Variants in NRG2 observed in about 807,000 individuals in gnomAD.
NRG2 encodes neuregulin 2, also known as pro-neuregulin-2, membrane-bound isoform.
In NRG2, 27 loss-of-function variants were observed where a neutral mutation model predicts 73.9. The ratio of observed to expected loss-of-function variants is 0.37; its 90% CI spans 0.27 to 0.50. NRG2 has a LOEUF of 0.50. NRG2 is among the 20% of genes least tolerant of loss of function. NRG2 has a pLI of 0.96. For missense variants in NRG2, 1,126 were observed against 1,210.1 expected (o/e 0.93, Z 1.03); for synonymous variants, 532 against 541.0 (o/e 0.98, Z 0.23).
At chr5:139,901,872 C>T (rs2127170351) in intron 1 of NRG2, among the ~76,000 whole-genome samples, 1 of 152,342 alleles carries the variant, frequency 6.6e-6, no homozygotes, top group South Asian at 2.1e-4. Flanking sequence ...AACAACACAG[C>T]AACTACAGGG....
chr5:139,888,809 A>G (rs1764034194), intron 1 of NRG2, among the ~76,000 whole-genome samples: 1 of 151,404 alleles, frequency 6.6e-6, no homozygotes, highest in Non-Finnish European at 1.5e-5. Flanking sequence ...ATGAAAAAAT[A>G]CAGAGGAGTG....
intron 1 of NRG2, among the ~76,000 whole-genome samples, chr5:139,923,833 C>A (rs1419806441): frequency 6.6e-6 from 1 of 152,178 alleles, no homozygotes; most frequent in Non-Finnish European, 1.5e-5. Context: ...GACCTCTAGG[C>A]CTCCTGAAGG....
intron 1 of NRG2, among the ~76,000 whole-genome samples, chr5:140,007,743 T>A (rs970780565): frequency 6.6e-6 from 1 of 152,240 alleles, no homozygotes; most frequent in African/African-American, 2.4e-5. Flanking sequence ...GTCACTTGCT[T>A]GGACTTATCC....
intron 1 of NRG2, among the ~76,000 whole-genome samples, chr5:139,899,610 T>C (rs540596564): frequency 6.6e-6 from 1 of 152,246 alleles, no homozygotes; most frequent in Non-Finnish European, 1.5e-5. Context: ...TCAGTGTTCA[T>C]GGCTCCTGTT....
At chr5:140,000,977 T>G (rs1758424406) in intron 1 of NRG2, among the ~76,000 whole-genome samples, 1 of 152,208 alleles carries the variant, frequency 6.6e-6, no homozygotes, top group African/African-American at 2.4e-5. Flanking sequence ...TGACCTACTT[T>G]GATAGCCTCG....
rs1764289010 is a variant in NRG2, at chr5:139,892,706, C to A, written c.701-5195G>T. Among the ~76,000 whole-genome samples the A allele has an allele frequency of 2.0e-5, 3 of 152,244 alleles. No homozygotes were observed. In the South Asian group the frequency reaches 6.2e-4, roughly 32 times the overall value. Reference sequence around the variant, plus strand: ...GCCAGAGCTGAACCAAGCAGAGGAACAGGCTTCCTGGGATGCATGGGATCT... The same window carrying A: ...GCCAGAGCTGAACCAAGCAGAGGAAAAGGCTTCCTGGGATGCATGGGATCT... On this transcript the variant is annotated intron_variant, in intron 1 of 9. Transcript: ENST00000361474.
rs2127000620 is a variant in NRG2 at position 139,851,920 on chromosome 5, T to C, written c.1545-89A>G. The C allele has an allele frequency of 8.9e-7, 1 of 1,126,948 alleles. No individual in the cohort carries two copies. The highest frequency in any genetic ancestry group is 1.3e-6 in the Non-Finnish European group (1 of 771,512). The allele number at this position is 1,126,948 out of a possible 1,614,324, so 69.8% of individuals were successfully genotyped here. A position where few individuals can be genotyped will look rare whatever the true frequency, so the allele number is the denominator to read the frequency against. ...GTCCCATGGACCTCCCTGGCTCTTC[T>C]TCCACCTCGAGCTCCCTTAGCTCAA... On this transcript the variant is annotated intron_variant, in intron 8 of 9. Transcript: ENST00000361474. The surrounding 1 kb of genome is among the most constrained non-coding windows in gnomAD (Gnocchi z 4.2).
At chr5:139,878,653 G>A (rs1763335432) in intron 3 of NRG2, among the ~76,000 whole-genome samples, 1 of 152,164 alleles carries the variant, frequency 6.6e-6, no homozygotes, top group Non-Finnish European at 1.5e-5. Flanking sequence ...AATCCCTTAA[G>A]ATAGGCTTAA....
chr5:140,036,435 G>T (rs1299544434), intron 1 of NRG2, among the ~76,000 whole-genome samples: 2 of 152,098 alleles, frequency 1.3e-5, no homozygotes, highest in Non-Finnish European at 2.9e-5. Context: ...CTTACAACCT[G>T]ACATGGAGCT....
At chr5:140,022,448 T>A (rs962963505) in intron 1 of NRG2, among the ~76,000 whole-genome samples, 3 of 152,252 alleles carry the variant, frequency 2.0e-5, no homozygotes, top group African/African-American at 7.2e-5. Flanking sequence ...ACAAGCTTTT[T>A]AATGCTATGT....
rs752116367 is a variant in NRG2, at chr5:139,880,909, G to A, written c.938C>T (p.Ala313Val). 1 of 1,614,180 alleles carries A rather than the reference G, an allele frequency of 6.2e-7. No homozygotes were observed. The change falls in exon 3 of 10, where the codon GCC (alanine) becomes GTC (valine). Residue 313 changes from alanine to valine, a missense_variant. This residue lies in a region of NRG2 where 539 missense variants were observed against 703.2 expected (regional missense o/e 0.77). Coordinates refer to ENST00000361474, the MANE Select transcript of NRG2 (RefSeq NM_004883.3). ...VEDAGEYVCE[A>V]ENILGKDTVR... ...GGTGTCCTTCCCCAGGATGTTCTCG[G>A]CCTCGCAGACATACTCCCCAGCGTC...
In NRG2 at chr5:139,904,465, G is replaced by T; in HGVS notation, c.701-16954C>A. ...CTGCCGCGCTGCGCCCCCGCCGCCT[G>T]CAGCCTCAGTGCCCGAGCGCGGCGC... On this transcript the variant is annotated intron_variant, in intron 1 of 9. Coordinates refer to ENST00000361474, the MANE Select transcript of NRG2 (RefSeq NM_004883.3). This position sits in a 1 kb window ranked among gnomAD's most constrained non-coding sequence, Gnocchi z 6.0. 1.0e-6 allele frequency: 1 copy of T among 955,134 alleles called. No homozygotes were observed. The highest frequency in any genetic ancestry group is 1.7e-5 in the African/African-American group (1 of 58,994). 59.2% of individuals were successfully genotyped at this position (955,134 alleles called of 1,614,324 possible).
chr5:139,965,344 G>C (rs753177671), intron 1 of NRG2, among the ~76,000 whole-genome samples: 1 of 152,200 alleles, frequency 6.6e-6, no homozygotes, highest in African/African-American at 2.4e-5. Flanking sequence ...AAAGCCTCAG[G>C]TTTTCCAAGA....
chr5:139,963,391 G>A (rs566587802), intron 1 of NRG2, among the ~76,000 whole-genome samples: 1 of 152,260 alleles, frequency 6.6e-6, no homozygotes, highest in South Asian at 2.1e-4. Context: ...ATCAGGCCCT[G>A]GGGGAAAACC....
intron 1 of NRG2, among the ~76,000 whole-genome samples, chr5:139,957,307 CTGTGTGTGTGTGTGTG>C (rs70988722): frequency 1.5e-4 from 21 of 143,984 alleles, no homozygotes; most frequent in South Asian, 1.2e-3. Context: ...TCAAGAATCT[CTGTGTGTGTGTGTGTG>C]TGTGTGTGTG....
chr5:139,896,083 G>A (rs907786301), intron 1 of NRG2, among the ~76,000 whole-genome samples: 7 of 152,138 alleles, frequency 4.6e-5, no homozygotes, highest in African/African-American at 1.7e-4. Flanking sequence ...TGTAGCAGGG[G>A]TTGGGGAAAG....
At chr5:140,033,989 C>T (rs1303400730) in intron 1 of NRG2, among the ~76,000 whole-genome samples, 8 of 150,320 alleles carry the variant, frequency 5.3e-5, no homozygotes, top group Non-Finnish European at 8.9e-5. Flanking sequence ...CATGGAGTCT[C>T]GCTCTATCAC....
In NRG2 at chr5:139,954,304, G is replaced by A. The variant is rs557878794; in HGVS notation, c.701-66793C>T. ...CCTGGGGCCCCAGGAGACCTGCAGC[G>A]GCTGTCTAGCCCCAGGTCCCAAGGT... is the stretch of plus-strand genomic sequence containing the variant. On this transcript the variant is annotated intron_variant, in intron 1 of 9. Coordinates refer to ENST00000361474, the MANE Select transcript of NRG2 (RefSeq NM_004883.3). The surrounding 1 kb of genome is among the most constrained non-coding windows in gnomAD (Gnocchi z 5.0). Among the ~76,000 whole-genome samples the A allele has an allele frequency of 1.3e-5, 2 of 152,268 alleles. No individual in the cohort carries two copies. Among genetic ancestry groups the A allele is most frequent in the East Asian group, 1.9e-4 (1 of 5,190 alleles).
chr5:139,882,963 G>A (rs1763627688), intron 2 of NRG2, among the ~76,000 whole-genome samples: 1 of 152,112 alleles, frequency 6.6e-6, no homozygotes, highest in Non-Finnish European at 1.5e-5. Context: ...AGATGTCCTA[G>A]GTTAGCAGCT....
Sources: gnomAD v4.1 joint callset for allele counts (sites outside exome capture counted in the v4.1 genomes callset) on GRCh38, gnomAD v4.1.1 for gene constraint, gnomAD v4.1.1 regional missense constraint, Gnocchi (gnomAD v3.1) non-coding constraint, MANE v1.5 for transcripts, NCBI Gene and HGNC (gene_info 2026-07-23, HGNC 2026-07-21) for gene names.